The following PCSK5 variants were observed in gnomAD, a reference collection of about 807,000 sequenced individuals.
PCSK5 encodes the protein proprotein convertase subtilisin/kexin type 5.
A neutral mutation model predicts 233.2 loss-of-function variants in PCSK5; 129 were observed. That is an observed-to-expected ratio of 0.55 (90% CI 0.48 to 0.64). The LOEUF (loss-of-function observed/expected upper bound fraction) is 0.64. Ranked by LOEUF, PCSK5 falls within the 30% of genes least tolerant of loss-of-function variation. PCSK5 has a pLI of 0.00. For synonymous variants in PCSK5, 825 were observed against 879.2 expected (o/e 0.94, Z 1.09); for missense variants, 2,076 against 2,430.1 (o/e 0.85, Z 3.06).
intron 2 of PCSK5, among the ~76,000 whole-genome samples, chr9:75,979,117 G>A (rs945410019): frequency 6.6e-6 from 1 of 152,118 alleles, no homozygotes; most frequent in Non-Finnish European, 1.5e-5. Context: ...GCCTCCCAAA[G>A]TGCTGGGATT....
intron 35 of PCSK5, among the ~76,000 whole-genome samples, chr9:76,346,790 T>A (rs1829993119): frequency 6.6e-6 from 1 of 152,110 alleles, no homozygotes; most frequent in South Asian, 2.1e-4. Flanking sequence ...TTAGCTCTCA[T>A]AGTAAGAAAT....
chr9:76,291,410 C>T (rs1828274017), intron 24 of PCSK5, among the ~76,000 whole-genome samples: 1 of 152,200 alleles, frequency 6.6e-6, no homozygotes, highest in Admixed American at 6.5e-5. Context: ...AGTTGTCTTT[C>T]ATCTCCTATT....
rs151153374 is a variant in PCSK5 at position 76,234,723 on chromosome 9, G to T, written c.2866+1127G>T. 9.2e-3 allele frequency among the ~76,000 whole-genome samples: 1,401 copies of T among 152,292 alleles called. 14 individuals are homozygous for T. The highest frequency in any genetic ancestry group is 0.025 in the South Asian group (121 of 4,824). ...TTATGAAAATTAAATGACATGAAATGAGATAAAACAATAAAGCATTTAGAA... is the reference window on the plus strand; with the variant it reads ...TTATGAAAATTAAATGACATGAAATTAGATAAAACAATAAAGCATTTAGAA... On this transcript the variant is annotated intron_variant, in intron 22 of 37. Coordinates refer to ENST00000674117, the MANE Select transcript of PCSK5 (RefSeq NM_001372043.1).
At chr9:76,134,054 C>G (rs1302150384) in intron 9 of PCSK5, 55 bp from the exon 10 acceptor site, 4 of 1,118,470 alleles carry the variant, frequency 3.6e-6, no homozygotes, top group Non-Finnish European at 5.3e-6. Flanking sequence ...TGACTCTCTG[C>G]TTCCCCCATC....
At chr9:76,205,126 T>C in intron 20 of PCSK5, 3 of 518,956 alleles carry the variant, frequency 5.8e-6, no homozygotes, top group Admixed American at 3.9e-5. Context: ...CCTAGAAAGA[T>C]CTCATTGTCA....
intron 3 of PCSK5, among the ~76,000 whole-genome samples, chr9:75,996,783 C>G (rs1015780875): frequency 6.7e-6 from 1 of 149,132 alleles, no homozygotes; most frequent in Non-Finnish European, 1.5e-5. Context: ...CTCTGGGCCC[C>G]TCTCTGCCAT....
intron 5 of PCSK5, among the ~76,000 whole-genome samples, chr9:76,061,627 G>A (rs1373618979): frequency 1.3e-5 from 2 of 152,070 alleles, no homozygotes; most frequent in Non-Finnish European, 2.9e-5. Context: ...TGAGCTTGGA[G>A]TTTCCAAAAT....
chr9:76,216,735 A>G (rs1247028321), intron 20 of PCSK5, among the ~76,000 whole-genome samples: 1 of 152,244 alleles, frequency 6.6e-6, no homozygotes, highest in Non-Finnish European at 1.5e-5. Context: ...ACTTCTTAAA[A>G]GTAATACAAT....
intron 5 of PCSK5, among the ~76,000 whole-genome samples, chr9:76,045,499 A>G (rs1309618100): frequency 6.6e-6 from 1 of 152,172 alleles, no homozygotes. Flanking sequence ...AGGATTCAGA[A>G]TTCTTCGATT....
intron 2 of PCSK5, among the ~76,000 whole-genome samples, chr9:75,945,966 C>A (rs1824547447): frequency 1.3e-5 from 2 of 152,172 alleles, no homozygotes; most frequent in African/African-American, 4.8e-5. Flanking sequence ...CTATGTGAAT[C>A]CAAAACCATA....
rs748285246 is a variant in PCSK5 at position 76,071,917 on chromosome 9, GA to G, written c.894+20del. 2.5e-5 allele frequency: 40 copies of G among 1,611,158 alleles called. No homozygotes were observed. Among genetic ancestry groups the G allele is most frequent in the Non-Finnish European group, 3.2e-5 (38 of 1,178,046 alleles). On this transcript the variant is annotated intron_variant, in intron 7 of 37. Transcript: ENST00000674117. ...TAGAATGGTAGGTTTTAAAAGCATG[GA>G]GGCTTATACTGTGTGGATGGGTGAT...
At chr9:75,896,450 C>T (rs1055211009) in intron 1 of PCSK5, among the ~76,000 whole-genome samples, 1 of 152,204 alleles carries the variant, frequency 6.6e-6, no homozygotes, top group African/African-American at 2.4e-5. Context: ...TCAGCAATGT[C>T]TGACTCTTTG....
At chr9:76,347,979 A>G (rs914737527) in intron 35 of PCSK5, among the ~76,000 whole-genome samples, 4 of 151,698 alleles carry the variant, frequency 2.6e-5, no homozygotes, top group African/African-American at 9.7e-5. Context: ...GCTAATTAAC[A>G]TGTCCATCAG....
chr9:76,343,290 A>C (rs1829886280), intron 35 of PCSK5, among the ~76,000 whole-genome samples: 1 of 150,048 alleles, frequency 6.7e-6, no homozygotes, highest in Non-Finnish European at 1.5e-5. Flanking sequence ...CCAGCCTCCC[A>C]AGTAACTGGG....
chr9:75,894,392 A>G (rs985811856), intron 1 of PCSK5, among the ~76,000 whole-genome samples: 4 of 152,222 alleles, frequency 2.6e-5, no homozygotes, highest in Non-Finnish European at 5.9e-5. Context: ...TGTTAAAAAA[A>G]AGATGGGATG....
intron 1 of PCSK5, among the ~76,000 whole-genome samples, chr9:75,910,632 G>A (rs1822685045): frequency 6.6e-6 from 1 of 150,676 alleles, no homozygotes; most frequent in Non-Finnish European, 1.5e-5. Context: ...GTTGCAGGTT[G>A]TCTTTTATTT....
At chr9:76,034,615 C>T (rs1185201157) in intron 5 of PCSK5, among the ~76,000 whole-genome samples, 3 of 152,126 alleles carry the variant, frequency 2.0e-5, no homozygotes, top group Non-Finnish European at 2.9e-5. Flanking sequence ...TCACCTCCCA[C>T]GCATGTCACT....
chr9:76,329,532 G>C lies in PCSK5; in HGVS notation c.4570+1293G>C, dbSNP rs1254298214. Among the ~76,000 whole-genome samples, 5 of 151,812 alleles carry C rather than the reference G, an allele frequency of 3.3e-5. No individual in the cohort carries two copies. In the South Asian group the frequency reaches 6.3e-4, roughly 19 times the overall value. ...TTTCTTTTTCTTTCACAATATCAAT[G>C]CTTTAGAAAAATACAGTCTTGGCTG... On this transcript the variant is annotated intron_variant, in intron 33 of 37. Transcript: ENST00000674117.
intron 1 of PCSK5, among the ~76,000 whole-genome samples, chr9:75,905,704 G>C (rs1826236708): frequency 6.6e-6 from 1 of 152,228 alleles, no homozygotes; most frequent in Non-Finnish European, 1.5e-5. Flanking sequence ...CTTCCTGTCA[G>C]ATCAGTGGGG....
Sources: gnomAD v4.1 joint callset for allele counts (sites outside exome capture counted in the v4.1 genomes callset) on GRCh38, gnomAD v4.1.1 for gene constraint, MANE v1.5 for transcripts, NCBI Gene and HGNC (gene_info 2026-07-23, HGNC 2026-07-21) for gene names.